Variants in LRP8 observed in about 807,000 individuals in gnomAD.
LRP8 encodes low-density lipoprotein receptor-related protein 8.
In LRP8, 46 loss-of-function variants were observed where a neutral mutation model predicts 111.6. The observed-to-expected ratio is 0.41, with a 90% CI of 0.33 to 0.53. LRP8 has a LOEUF of 0.53. LRP8 is among the 20% of genes least tolerant of loss of function. The pLI is 0.20. For missense variants in LRP8, 959 were observed against 1,297.4 expected (o/e 0.74, Z 4.01); for synonymous variants, 464 against 511.2 (o/e 0.91, Z 1.24).
At chr1:53,324,972 G>C (rs1654958362) in intron 2 of LRP8, among the ~76,000 whole-genome samples, 1 of 152,222 alleles carries the variant, frequency 6.6e-6, no homozygotes, top group South Asian at 2.1e-4. Flanking sequence ...CTAGAAAGTA[G>C]AATGACAAGA....
chr1:53,287,397 G>A (rs965183823), intron 3 of LRP8, among the ~76,000 whole-genome samples: 1 of 152,240 alleles, frequency 6.6e-6, no homozygotes, highest in African/African-American at 2.4e-5. Flanking sequence ...AGGGGGAAAG[G>A]GGGTCTCAGA....
chr1:53,312,423 G>A (rs1048633476), intron 2 of LRP8, among the ~76,000 whole-genome samples: 11 of 152,162 alleles, frequency 7.2e-5, no homozygotes, highest in Admixed American at 3.9e-4. Context: ...AGAGTGCAGC[G>A]GCATGACTAT....
At chr1:53,326,123 G>A (rs371818677) in intron 2 of LRP8, among the ~76,000 whole-genome samples, 189 of 152,342 alleles carry the variant, frequency 1.2e-3, no homozygotes, top group African/African-American at 4.2e-3. Flanking sequence ...CCTTCCTGGT[G>A]TGCCACATGA....
intron 6 of LRP8, among the ~76,000 whole-genome samples, chr1:53,271,635 G>C (rs540586234): frequency 6.6e-6 from 1 of 152,268 alleles, no homozygotes; most frequent in African/African-American, 2.4e-5. Context: ...CACCAAGCTG[G>C]AGGCAGCTAG....
chr1:53,324,858 A>G (rs1322119867), intron 2 of LRP8, among the ~76,000 whole-genome samples: 1 of 152,198 alleles, frequency 6.6e-6, no homozygotes, highest in Non-Finnish European at 1.5e-5. Flanking sequence ...CTCAGCAGAC[A>G]GTGCCCTGAA....
At chr1:53,314,721 C>T (rs79960258) in intron 2 of LRP8, among the ~76,000 whole-genome samples, 2 of 152,204 alleles carry the variant, frequency 1.3e-5, no homozygotes, top group Admixed American at 6.5e-5. Context: ...ACCTCCACCC[C>T]ACTAGGCTGC....
intron 3 of LRP8, among the ~76,000 whole-genome samples, chr1:53,287,415 G>C (rs1194680234): frequency 6.6e-6 from 1 of 152,212 alleles, no homozygotes; most frequent in Non-Finnish European, 1.5e-5. Context: ...AGAATACTAA[G>C]AGTTTAGGAA....
chr1:53,249,675 G>A lies in LRP8; in HGVS notation c.2677-119C>T. 1 of 1,405,354 alleles carries A rather than the reference G, an allele frequency of 7.1e-7. No individual in the cohort carries two copies. The highest frequency in any genetic ancestry group is 2.5e-5 in the East Asian group (1 of 39,314). The allele number at this position is 1,405,354 out of a possible 1,614,324, so 87.1% of individuals were successfully genotyped here. On this transcript the variant is annotated intron_variant, in intron 17 of 18. Transcript: ENST00000306052. The surrounding 1 kb of genome is among the most constrained non-coding windows in gnomAD (Gnocchi z 4.1). ...GGTCCTCATTCCCCCAAAAAGCCAT[G>A]CTGTGTTGTACCTTCAAGCCTTTGC... is the stretch of plus-strand genomic sequence containing the variant.
Position 53,262,373 on chromosome 1 carries a change from C to A in LRP8, c.1774+73G>T. 1 of 1,539,268 alleles carries A rather than the reference C, an allele frequency of 6.5e-7. No individual in the cohort carries two copies. On this transcript the variant is annotated intron_variant, in intron 11 of 18. Coordinates refer to ENST00000306052, the MANE Select transcript of LRP8 (RefSeq NM_004631.5). The surrounding 1 kb of genome is among the most constrained non-coding windows in gnomAD (Gnocchi z 4.8). ...ACCATGAGAGGACCCAGAAACAAGACTCATGGAGTTCCAGACAGTGATCAG... is the reference window on the plus strand; with the variant it reads ...ACCATGAGAGGACCCAGAAACAAGAATCATGGAGTTCCAGACAGTGATCAG...
rs1423142147 is a variant in LRP8 at position 53,270,417 on chromosome 1, A to G, written c.1252+611T>C. ...AATCCCTAAGAAATATGCAGGCCCA[A>G]TCAGATTTGACTGCTATACAACCTT... is the stretch of plus-strand genomic sequence containing the variant. On this transcript the variant is annotated intron_variant, in intron 8 of 18. Coordinates refer to ENST00000306052, the MANE Select transcript of LRP8 (RefSeq NM_004631.5). Among the ~76,000 whole-genome samples the G allele has an allele frequency of 2.0e-5, 3 of 152,178 alleles. No homozygotes were observed. In the South Asian group the frequency reaches 6.2e-4, roughly 32 times the overall value.
At chr1:53,290,423 G>A (rs557443072) in intron 2 of LRP8, among the ~76,000 whole-genome samples, 20 of 151,980 alleles carry the variant, frequency 1.3e-4, no homozygotes, top group Non-Finnish European at 2.1e-4. Flanking sequence ...ACAAGAAGTC[G>A]TAATGTATGA....
In LRP8 at chr1:53,275,935, C is replaced by T. The variant is rs1646902720; in HGVS notation, c.884-182G>A. On this transcript the variant is annotated intron_variant, in intron 5 of 18. Transcript: ENST00000306052. This position sits in a 1 kb window ranked among gnomAD's most constrained non-coding sequence, Gnocchi z 4.4. ...GTGTACAGATGGGGAGACTGAAGCT[C>T]AGAGAGGGGGAAGGCCTTGCCCAGG... Among the ~76,000 whole-genome samples, 1 of 152,128 alleles carries T rather than the reference C, an allele frequency of 6.6e-6. No individual in the cohort carries two copies. Among genetic ancestry groups the T allele is most frequent in the African/African-American group, 2.4e-5 (1 of 41,432 alleles).
At position 53,258,434 on chromosome 1, in the gene LRP8, T is replaced by A. The variant is rs1478613594; in HGVS notation, c.2094A>T (p.Gly698=). Residue 698 remains glycine (G), a synonymous_variant, in exon 14 of 19, where the codon GGA becomes GGT. Coordinates refer to ENST00000306052, the MANE Select transcript of LRP8 (RefSeq NM_004631.5). ...DACELSVQPN[G]GCEYLCLPAP... ...CAGGAAGGCACAGGTATTCACAGCC[T>A]CCATTAGGCTGGACACTCAGCTCAC... The A allele has an allele frequency of 3.1e-6, 5 of 1,613,918 alleles. No homozygotes were observed. Among genetic ancestry groups the A allele is most frequent in the Non-Finnish European group, 4.2e-6 (5 of 1,179,998 alleles).
In LRP8 at chr1:53,293,289, G is replaced by A. The variant is rs953134641; in HGVS notation, c.245-3600C>T. 6.6e-5 allele frequency among the ~76,000 whole-genome samples: 10 copies of A among 152,176 alleles called. No homozygotes were observed. The highest frequency in any genetic ancestry group is 1.3e-4 in the Non-Finnish European group (9 of 68,028). The stretch of plus-strand genomic sequence containing the variant: ...AAAGGGCAGCTTTGAGGTCAGCCCC[G>A]CCCAGGAAATGGCAGCTGCAGGGAG... On this transcript the variant is annotated intron_variant, in intron 2 of 18. Coordinates refer to ENST00000306052, the MANE Select transcript of LRP8 (RefSeq NM_004631.5). This position sits in a 1 kb window ranked among gnomAD's most constrained non-coding sequence, Gnocchi z 4.9.
At chr1:53,276,648 TC>T in intron 5 of LRP8, 43 bp downstream of exon 5, 2 of 1,432,530 alleles carry the variant, frequency 1.4e-6, no homozygotes, top group Non-Finnish European at 1.8e-6. Flanking sequence ...GGATAGCGGA[TC>T]CGCAATCCCT....
At chr1:53,296,517 G>A (rs1288497) in intron 2 of LRP8, among the ~76,000 whole-genome samples, 31,547 of 152,208 alleles carry the variant, frequency 0.21, 4,492 homozygotes, top group African/African-American at 0.41. Context: ...GTTACCCTTC[G>A]ACAGAGCTCG....
chr1:53,255,012 A>G, intron 16 of LRP8, 105 bp downstream of exon 16: 1 of 1,208,182 alleles, frequency 8.3e-7, no homozygotes, highest in Non-Finnish European at 1.2e-6. Context: ...CTGCAAGGGC[A>G]GAACAAGTCA....
rs978367109 is a variant in LRP8 at position 53,246,573 on chromosome 1, T to C, written c.*445A>G. The C allele has an allele frequency of 1.1e-4, 17 of 152,322 alleles. No homozygotes were observed. The highest frequency in any genetic ancestry group is 4.1e-4 in the African/African-American group (17 of 41,212). 9.4% of individuals were successfully genotyped at this position (152,322 alleles called of 1,614,324 possible). On this transcript the variant is annotated 3_prime_UTR_variant, in exon 19 of 19. Transcript: ENST00000306052. ...AGTGTTTTTTTTTTTTTTTTACTTA[T>C]GTTGATGGATAGCCACAAAGCATAA...
At chr1:53,277,164 C>G (rs1289271177) in intron 4 of LRP8, 86 bp from the exon 5 acceptor site, 2 of 1,348,060 alleles carry the variant, frequency 1.5e-6, no homozygotes, top group Non-Finnish European at 1.9e-6. Context: ...GGGGCTCCGA[C>G]CCTCACCCGG....
Sources: gnomAD v4.1 joint callset for allele counts (sites outside exome capture counted in the v4.1 genomes callset) on GRCh38, gnomAD v4.1.1 for gene constraint, Gnocchi (gnomAD v3.1) non-coding constraint, MANE v1.5 for transcripts, NCBI Gene and HGNC (gene_info 2026-07-23, HGNC 2026-07-21) for gene names.